The following SIK3 variants were observed in gnomAD, a reference collection of about 807,000 sequenced individuals.
SIK3 encodes the protein serine/threonine-protein kinase SIK3.
In SIK3, 28 loss-of-function variants were observed where a neutral mutation model predicts 144.2. That is an observed-to-expected ratio of 0.19 (90% CI 0.14 to 0.27). The LOEUF is 0.27. Among genes scored for constraint, SIK3 ranks in the 10% least tolerant of loss-of-function variants. The pLI, the probability that SIK3 is intolerant of heterozygous loss-of-function variation, is 1.00. For missense variants in SIK3, 1,319 were observed against 1,776.0 expected, an observed-to-expected ratio of 0.74 and a Z score of 4.62; for synonymous variants, 686 against 676.3, an observed-to-expected ratio of 1.01 and a Z score of -0.22.
chr11:117,043,092 T>G (rs2135866533), intron 1 of SIK3, among the ~76,000 whole-genome samples: 1 of 152,184 alleles, frequency 6.6e-6, no homozygotes, highest in East Asian at 1.9e-4. Context: ...GCTTCCATAT[T>G]AAAATTATAA....
At chr11:117,085,090 C>A (rs941729521) in intron 1 of SIK3, among the ~76,000 whole-genome samples, 1 of 151,642 alleles carries the variant, frequency 6.6e-6, no homozygotes, top group Non-Finnish European at 1.5e-5. Flanking sequence ...GCTAATCAAT[C>A]TTTCTTTCTT....
chr11:116,870,306 C>T, intron 14 of SIK3, 25 bp downstream of exon 14: 1 of 1,613,982 alleles, frequency 6.2e-7, no homozygotes, highest in South Asian at 1.1e-5. Context: ...GGGGCTTCTG[C>T]AAGCACTGCC....
intron 5 of SIK3, 69 bp downstream of exon 5, chr11:116,897,124 G>T: frequency 6.6e-7 from 1 of 1,506,506 alleles, no homozygotes; most frequent in South Asian, 1.2e-5. Flanking sequence ...GTATCCTTCA[G>T]GATGCGAATA....
intron 1 of SIK3, among the ~76,000 whole-genome samples, chr11:116,961,961 C>T (rs535938400): frequency 1.3e-5 from 2 of 152,224 alleles, no homozygotes; most frequent in South Asian, 4.1e-4. Flanking sequence ...GGAAAAATTA[C>T]TATTTCTCCC....
intron 1 of SIK3, among the ~76,000 whole-genome samples, chr11:117,032,851 A>G (rs1050668323): frequency 6.6e-6 from 1 of 152,118 alleles, no homozygotes; most frequent in African/African-American, 2.4e-5. Flanking sequence ...TTCAAACAAT[A>G]GGCTATATAT....
intron 4 of SIK3, among the ~76,000 whole-genome samples, chr11:116,909,744 T>C (rs1946239044): frequency 6.6e-6 from 1 of 151,918 alleles, no homozygotes; most frequent in Non-Finnish European, 1.5e-5. Flanking sequence ...ACTCAATAAA[T>C]ATCTTAAAAC....
chr11:116,995,524 A>G (rs7931665), intron 1 of SIK3, among the ~76,000 whole-genome samples: 22,856 of 151,888 alleles, frequency 0.15, 2,435 homozygotes, highest in African/African-American at 0.3. Context: ...CAACCCTCCC[A>G]AAGTGCTGGG....
chr11:117,053,267 G>A (rs1314391143), intron 1 of SIK3, among the ~76,000 whole-genome samples: 1 of 151,688 alleles, frequency 6.6e-6, no homozygotes, highest in East Asian at 1.9e-4. Flanking sequence ...AACCCAGGAG[G>A]CGGAGGTCAC....
At chr11:116,893,326 T>C (rs1232465970) in intron 6 of SIK3, among the ~76,000 whole-genome samples, 3 of 152,024 alleles carry the variant, frequency 2.0e-5, no homozygotes, top group African/African-American at 7.3e-5. Context: ...AGAGGGTACA[T>C]GCAAACTGTG....
At chr11:116,983,092 T>A (rs1033235320) in intron 1 of SIK3, among the ~76,000 whole-genome samples, 3 of 151,876 alleles carry the variant, frequency 2.0e-5, no homozygotes, top group Non-Finnish European at 1.5e-5. Context: ...CCGGGCGTGG[T>A]GGCAGGCACC....
chr11:116,964,398 T>C (rs1328694623), intron 1 of SIK3, among the ~76,000 whole-genome samples: 1 of 152,048 alleles, frequency 6.6e-6, no homozygotes, highest in Non-Finnish European at 1.5e-5. Context: ...AAAGAACAGG[T>C]TATTCTATTC....
intron 6 of SIK3, among the ~76,000 whole-genome samples, chr11:116,887,628 C>A (rs868234530): frequency 6.7e-4 from 96 of 143,554 alleles, no homozygotes; most frequent in Admixed American, 1.3e-3. Flanking sequence ...AAAAAAAAAA[C>A]AAGAGTCTGA....
chr11:117,034,984 A>G (rs1952431167), intron 1 of SIK3, among the ~76,000 whole-genome samples: 1 of 152,248 alleles, frequency 6.6e-6, no homozygotes, highest in African/African-American at 2.4e-5. Flanking sequence ...ATGTTTTACA[A>G]CTGCAAATAA....
intron 21 of SIK3, among the ~76,000 whole-genome samples, chr11:116,853,138 GA>G (rs1290278786): frequency 1.3e-5 from 2 of 152,156 alleles, no homozygotes; most frequent in Non-Finnish European, 2.9e-5. Flanking sequence ...TTGGGGGCTC[GA>G]AAAGACAACA....
chr11:116,889,333 G>T (rs1944984886), intron 6 of SIK3, among the ~76,000 whole-genome samples: 1 of 152,216 alleles, frequency 6.6e-6, no homozygotes, highest in African/African-American at 2.4e-5. Context: ...GGAGGCCAAG[G>T]TGGGAGGATT....
intron 3 of SIK3, among the ~76,000 whole-genome samples, chr11:116,936,394 T>C (rs545524927): frequency 6.6e-6 from 1 of 152,308 alleles, no homozygotes; most frequent in South Asian, 2.1e-4. Flanking sequence ...CAGGCTGGTC[T>C]CAAACTCTTT....
intron 1 of SIK3, among the ~76,000 whole-genome samples, chr11:117,024,916 C>A (rs1393098497): frequency 1.3e-5 from 2 of 151,706 alleles, no homozygotes; most frequent in African/African-American, 4.8e-5. Flanking sequence ...AAAAAAAAAT[C>A]ATCTAATGCA....
intron 4 of SIK3, 100 bp from the exon 5 acceptor site, chr11:116,897,417 A>G (rs1945469461): frequency 9.3e-7 from 1 of 1,072,084 alleles, no homozygotes; most frequent in Non-Finnish European, 1.3e-6. Flanking sequence ...TCATTGTCTG[A>G]ATATTAAATG....
At chr11:116,979,295 T>C (rs961550097) in intron 1 of SIK3, among the ~76,000 whole-genome samples, 2 of 152,238 alleles carry the variant, frequency 1.3e-5, no homozygotes, top group African/African-American at 4.8e-5. Context: ...AACCATTTGT[T>C]TCTACTCCTG....
Sources: allele counts gnomAD v4.1 joint callset (sites outside exome capture counted in the v4.1 genomes callset), GRCh38; gene constraint gnomAD v4.1.1; transcripts MANE v1.5; gene names NCBI Gene and HGNC (gene_info 2026-07-23, HGNC 2026-07-21).